The following CNTN5 variants were observed in gnomAD, a reference collection of about 807,000 sequenced individuals.
CNTN5 encodes the protein contactin 5.
In CNTN5, 77 loss-of-function variants were observed where a neutral mutation model predicts 129.1. The observed-to-expected ratio is 0.60, with a 90% CI of 0.50 to 0.72. The LOEUF (loss-of-function observed/expected upper bound fraction) is 0.72, where lower values mean the gene tolerates loss of function less well. Ranked by LOEUF, CNTN5 falls within the 30% of genes least tolerant of loss-of-function variation. The pLI is 0.00. For synonymous variants in CNTN5, 509 were observed against 465.6 expected, an observed-to-expected ratio of 1.09 and a Z score of -1.20; for missense variants, 1,478 against 1,328.8, an observed-to-expected ratio of 1.11 and a Z score of -1.75.
intron 8 of CNTN5, among the ~76,000 whole-genome samples, chr11:99,984,615 T>C (rs1311945359): frequency 2.0e-5 from 3 of 152,162 alleles, no homozygotes; most frequent in Admixed American, 1.3e-4. Context: ...AAGATACAAT[T>C]TGAAGTGAAA....
At chr11:100,039,124 G>A (rs1313148826) in intron 9 of CNTN5, among the ~76,000 whole-genome samples, 2 of 152,146 alleles carry the variant, frequency 1.3e-5, no homozygotes, top group African/African-American at 4.8e-5. Flanking sequence ...TCCTTTCCAT[G>A]TTTAGTGCTT....
intron 4 of CNTN5, among the ~76,000 whole-genome samples, chr11:99,821,953 A>G (rs1946815184): frequency 6.6e-6 from 1 of 152,206 alleles, no homozygotes; most frequent in African/African-American, 2.4e-5. Context: ...GTAATCTTCC[A>G]TAACTACTGT....
At chr11:99,520,096 A>G (rs1413624076) in intron 2 of CNTN5, among the ~76,000 whole-genome samples, 1 of 152,154 alleles carries the variant, frequency 6.6e-6, no homozygotes, top group East Asian at 1.9e-4. Flanking sequence ...TTTATAGCAC[A>G]TGAGAATTCA....
intron 1 of CNTN5, among the ~76,000 whole-genome samples, chr11:99,121,006 T>A (rs1858291758): frequency 6.6e-6 from 1 of 152,212 alleles, no homozygotes; most frequent in Admixed American, 6.5e-5. Flanking sequence ...AATGTTATTA[T>A]ATTTTAACTT....
chr11:100,135,484 T>G (rs1452644472), intron 13 of CNTN5, among the ~76,000 whole-genome samples: 1 of 152,128 alleles, frequency 6.6e-6, no homozygotes, highest in Non-Finnish European at 1.5e-5. Context: ...CAGAAAAGAT[T>G]TTTTAAAAGA....
At chr11:99,385,897 G>A (rs112867924) in intron 2 of CNTN5, among the ~76,000 whole-genome samples, 3,170 of 152,174 alleles carry the variant, frequency 0.021, 48 homozygotes, top group Non-Finnish European at 0.034. Context: ...TTGTCAAAAT[G>A]ACTACATAAA....
At chr11:100,040,012 G>A (rs183305995) in intron 9 of CNTN5, among the ~76,000 whole-genome samples, 2 of 152,200 alleles carry the variant, frequency 1.3e-5, no homozygotes, top group Non-Finnish European at 2.9e-5. Flanking sequence ...TTGCTGGTGA[G>A]GAGCTGCATT....
intron 1 of CNTN5, among the ~76,000 whole-genome samples, chr11:99,025,653 G>A (rs1376374565): frequency 2.6e-5 from 4 of 151,614 alleles, no homozygotes; most frequent in Non-Finnish European, 1.5e-5. Flanking sequence ...TGCTCTCATC[G>A]AGAGATATTA....
chr11:100,205,145 T>C (rs1948887619), intron 15 of CNTN5, among the ~76,000 whole-genome samples: 1 of 152,058 alleles, frequency 6.6e-6, no homozygotes, highest in South Asian at 2.1e-4. Flanking sequence ...ATGTTATTTC[T>C]CAAAGTGATT....
chr11:99,415,148 A>C (rs1942592675), intron 2 of CNTN5, among the ~76,000 whole-genome samples: 1 of 152,166 alleles, frequency 6.6e-6, no homozygotes, highest in Non-Finnish European at 1.5e-5. Flanking sequence ...GCATTCCTAT[A>C]AACAAAAAGG....
At chr11:100,109,478 G>A (rs1325811478) in intron 13 of CNTN5, among the ~76,000 whole-genome samples, 2 of 152,110 alleles carry the variant, frequency 1.3e-5, no homozygotes, top group East Asian at 1.9e-4. Context: ...ATCACTGGAT[G>A]ATAGTATTTC....
At chr11:99,517,401 T>G (rs1947098552) in intron 2 of CNTN5, among the ~76,000 whole-genome samples, 1 of 152,074 alleles carries the variant, frequency 6.6e-6, no homozygotes, top group Non-Finnish European at 1.5e-5. Context: ...CTCCTTTCCT[T>G]AATGCCCTTC....
chr11:100,248,900 G>A (rs1191803100), intron 16 of CNTN5, among the ~76,000 whole-genome samples: 2 of 152,130 alleles, frequency 1.3e-5, no homozygotes, highest in Admixed American at 1.3e-4. Flanking sequence ...CTTTCTGTTT[G>A]TTAGCACATG....
At chr11:99,486,793 G>A (rs1037159485) in intron 2 of CNTN5, among the ~76,000 whole-genome samples, 3 of 152,112 alleles carry the variant, frequency 2.0e-5, no homozygotes, top group Non-Finnish European at 4.4e-5. Flanking sequence ...ACAGAGTGCA[G>A]AGGTTAACCA....
intron 1 of CNTN5, among the ~76,000 whole-genome samples, chr11:99,069,841 C>A (rs926297729): frequency 1.3e-5 from 2 of 152,168 alleles, no homozygotes; most frequent in African/African-American, 4.8e-5. Flanking sequence ...TTTCTGCAAA[C>A]CCCTGTTCAC....
chr11:99,899,028 A>C (rs79223994), intron 6 of CNTN5, among the ~76,000 whole-genome samples: 4,969 of 152,024 alleles, frequency 0.033, 103 homozygotes, highest in Middle Eastern at 0.065. Flanking sequence ...CTCAGCTTGA[A>C]CATTATTAGC....
At chr11:100,146,310 TCTTTA>T (rs1291490799) in intron 13 of CNTN5, among the ~76,000 whole-genome samples, 1 of 152,162 alleles carries the variant, frequency 6.6e-6, no homozygotes, top group Non-Finnish European at 1.5e-5. Flanking sequence ...TCATACAAGA[TCTTTA>T]CTTTCTTCCG....
At chr11:99,715,405 A>G (rs980366420) in intron 3 of CNTN5, among the ~76,000 whole-genome samples, 3 of 151,674 alleles carry the variant, frequency 2.0e-5, no homozygotes, top group African/African-American at 7.3e-5. Flanking sequence ...GAAGATAGGC[A>G]ACTTGAGACC....
rs115195275 is a variant in CNTN5 at position 99,938,457 on chromosome 11, G to A, written c.674-18349G>A. ...TTTGAGAGACAGATTTATTCTTGGA[G>A]CAATCAGCTCTTAGATCTATCTACC... On this transcript the variant is annotated intron_variant, in intron 7 of 24. Coordinates refer to ENST00000524871, the MANE Select transcript of CNTN5 (RefSeq NM_014361.4). Among the ~76,000 whole-genome samples the A allele has an allele frequency of 3.1e-3, 478 of 152,198 alleles. 4 individuals are homozygous for A. Among genetic ancestry groups the A allele is most frequent in the African/African-American group, 0.011 (453 of 41,540 alleles).
Sources: gnomAD v4.1 joint callset for allele counts (sites outside exome capture counted in the v4.1 genomes callset) on GRCh38, gnomAD v4.1.1 for gene constraint, MANE v1.5 for transcripts, NCBI Gene and HGNC (gene_info 2026-07-23, HGNC 2026-07-21) for gene names.